PUM2: variants seen among roughly 807,000 people sequenced by gnomAD.
PUM2 encodes the protein pumilio RNA binding family member 2.
PUM2 carries 57 observed loss-of-function variants against 124.5 expected under a neutral mutation model. The ratio of observed to expected loss-of-function variants is 0.46; its 90% CI spans 0.37 to 0.57. PUM2 has a LOEUF of 0.57. PUM2 is among the 20% of genes least tolerant of loss of function. The probability of loss-of-function intolerance (pLI) is 0.00; values close to 1 mark genes in which losing one functional copy is unlikely to be tolerated. For missense variants in PUM2, 1,065 were observed against 1,290.6 expected (o/e 0.83, Z 2.68); for synonymous variants, 460 against 446.1 (o/e 1.03, Z -0.39).
rs142379843 is a variant in PUM2 at position 20,268,511 on chromosome 2, G to A, written c.1958-5051C>T. 5.8e-3 allele frequency among the ~76,000 whole-genome samples: 882 copies of A among 152,190 alleles called. 8 individuals are homozygous for A. Among genetic ancestry groups the A allele is most frequent in the African/African-American group, 0.02 (834 of 41,526 alleles). On this transcript the variant is annotated intron_variant, in intron 13 of 20. Transcript: ENST00000361078. ...CGTACGCCTGTAGTCCCAGCTACTC[G>A]GGAGGCTGAGACAGGAGAATTGCTT...
intron 15 of PUM2, 144 bp downstream of exon 15, chr2:20,260,193 G>T: frequency 1.1e-6 from 1 of 874,416 alleles, no homozygotes; most frequent in Non-Finnish European, 1.6e-6. Flanking sequence ...AATGTTTACC[G>T]CATATATAAT....
At chr2:20,283,310 A>G (rs765362216) in intron 11 of PUM2, 33 bp downstream of exon 11, 27 of 1,609,816 alleles carry the variant, frequency 1.7e-5, no homozygotes, top group Middle Eastern at 1.7e-4. Context: ...AACACCAGAA[A>G]AATATTATCC....
At position 20,346,813 on chromosome 2, in the gene PUM2, G is replaced by C. The variant is rs116244468; in HGVS notation, c.-19+3784C>G. Among the ~76,000 whole-genome samples, 624 of 152,284 alleles carry C rather than the reference G, an allele frequency of 4.1e-3. 6 individuals are homozygous for C. Among genetic ancestry groups the C allele is most frequent in the African/African-American group, 0.014 (587 of 41,532 alleles). On this transcript the variant is annotated intron_variant, in intron 1 of 20. Transcript: ENST00000361078. ...GGCAGTACTGACTAAGTGGTTTTGA[G>C]TACAATTTCATAGCCAATTGTACCA...
At chr2:20,255,863 C>T (rs1664643246) in intron 17 of PUM2, among the ~76,000 whole-genome samples, 170 bp downstream of exon 17, 1 of 151,728 alleles carries the variant, frequency 6.6e-6, no homozygotes, top group African/African-American at 2.4e-5. Flanking sequence ...AAAAATGAAG[C>T]TATCTACTGA....
At chr2:20,295,543 A>G (rs1336084997) in intron 8 of PUM2, among the ~76,000 whole-genome samples, 2 of 152,160 alleles carry the variant, frequency 1.3e-5, no homozygotes, top group Admixed American at 1.3e-4. Context: ...AAAAAAGGGT[A>G]CATTGTAAAA....
At chr2:20,316,112 T>C (rs923695018) in intron 3 of PUM2, among the ~76,000 whole-genome samples, 5 of 152,280 alleles carry the variant, frequency 3.3e-5, no homozygotes, top group African/African-American at 1.2e-4. Flanking sequence ...AAGGGTCATA[T>C]AATTTATCTT....
chr2:20,344,563 C>A (rs995111337), intron 1 of PUM2, among the ~76,000 whole-genome samples: 3 of 152,142 alleles, frequency 2.0e-5, no homozygotes, highest in African/African-American at 7.2e-5. Context: ...TCTTTTGTCA[C>A]CCTCCTCCCT....
intron 16 of PUM2, 100 bp downstream of exon 16, chr2:20,258,130 GTTGTGGAAATATT>G: frequency 1.0e-6 from 1 of 980,122 alleles, no homozygotes; most frequent in African/African-American, 1.6e-5. Context: ...TTTTAGTCTA[GTTGTGGAAATATT>G]TAAGTCTTTT....
rs1247976085 is a variant in PUM2, at chr2:20,255,222, C to T, written c.2742G>A (p.Leu914=). ...ATTATTAGGGAATTTATACCTGTAC[C>T]AACTGCTCTGTATGTTGGTGGAGTT... ...LEELHQHTEQ[L]VQDQYGNYVI... The change falls in exon 18 of 21, where the codon TTG becomes TTA. Residue 914 remains leucine (L), a synonymous_variant. Coordinates refer to ENST00000361078, the MANE Select transcript of PUM2 (RefSeq NM_015317.5). The T allele has an allele frequency of 1.9e-6, 3 of 1,599,398 alleles. No homozygotes were observed. In the South Asian group the frequency reaches 3.3e-5, roughly 18 times the overall value.
At chr2:20,332,351 C>A (rs1190924291) in intron 1 of PUM2, among the ~76,000 whole-genome samples, 2 of 142,524 alleles carry the variant, frequency 1.4e-5, no homozygotes, top group African/African-American at 5.3e-5. Context: ...CAGATCATAT[C>A]TAAATGGAGG....
chr2:20,294,251 A>G lies in PUM2; in HGVS notation c.1152+125T>C. On this transcript the variant is annotated intron_variant, in intron 9 of 20. Transcript: ENST00000361078. ...TCCCATGCATAAATACTTGCGTATC[A>G]ACTGTATGCCAGGAGTCGTGTTACA... 9 of 1,015,238 alleles carry G rather than the reference A, an allele frequency of 8.9e-6. No individual in the cohort carries two copies. The Admixed American group carries it at 1.3e-4, about 15-fold the overall frequency. 62.9% of individuals were successfully genotyped at this position (1,015,238 alleles called of 1,614,324 possible).
intron 1 of PUM2, among the ~76,000 whole-genome samples, chr2:20,335,446 T>C (rs1046361692): frequency 1.3e-5 from 2 of 152,248 alleles, no homozygotes; most frequent in South Asian, 4.1e-4. Context: ...CATTAGCCTT[T>C]AAAGATTTAA....
chr2:20,338,889 G>A (rs1686660944), intron 1 of PUM2, among the ~76,000 whole-genome samples: 1 of 152,110 alleles, frequency 6.6e-6, no homozygotes, highest in Non-Finnish European at 1.5e-5. Flanking sequence ...GGATATGCAT[G>A]ATTTTTACAT....
At chr2:20,277,591 T>C (rs893816799) in intron 13 of PUM2, among the ~76,000 whole-genome samples, 1 of 152,152 alleles carries the variant, frequency 6.6e-6, no homozygotes, top group Non-Finnish European at 1.5e-5. Context: ...TGGACATTTA[T>C]TGTATTAGTA....
chr2:20,313,231 C>A (rs115631394), intron 3 of PUM2, among the ~76,000 whole-genome samples: 4 of 152,198 alleles, frequency 2.6e-5, no homozygotes, highest in Admixed American at 1.3e-4. Flanking sequence ...AATTAAAGAG[C>A]TTCCACACAG....
chr2:20,269,002 A>G (rs1181199214), intron 13 of PUM2, among the ~76,000 whole-genome samples: 1 of 152,120 alleles, frequency 6.6e-6, no homozygotes, highest in East Asian at 1.9e-4. Context: ...TAGAGAATCT[A>G]AATAACTTAT....
At chr2:20,259,270 T>C (rs1298480344) in intron 15 of PUM2, among the ~76,000 whole-genome samples, 3 of 152,234 alleles carry the variant, frequency 2.0e-5, no homozygotes, top group African/African-American at 4.8e-5. Context: ...TGGTTCATGT[T>C]AAAATTTTTT....
chr2:20,341,878 C>T (rs1032538319), intron 1 of PUM2, among the ~76,000 whole-genome samples: 1 of 151,990 alleles, frequency 6.6e-6, no homozygotes, highest in East Asian at 1.9e-4. Context: ...GCCTGTAATC[C>T]CAGCACTTTG....
rs761827843 is a variant in PUM2 at position 20,263,181 on chromosome 2, A to G, written c.2225+12T>C. On this transcript the variant is annotated intron_variant, in intron 14 of 20. Transcript: ENST00000361078. ...AAGCAAAAATGAAGTGAGAAATATC[A>G]TAATCACCTACCTAGAACCATGCTG... The G allele has an allele frequency of 6.3e-5, 99 of 1,574,430 alleles. No individual in the cohort carries two copies. The highest frequency in any genetic ancestry group is 1.6e-4 in the East Asian group (7 of 44,588).
Sources: gnomAD v4.1 joint callset for allele counts (sites outside exome capture counted in the v4.1 genomes callset) on GRCh38, gnomAD v4.1.1 for gene constraint, MANE v1.5 for transcripts, NCBI Gene and HGNC (gene_info 2026-07-23, HGNC 2026-07-21) for gene names.